BICC1: variants seen among roughly 807,000 people sequenced by gnomAD.
The protein encoded by BICC1 is protein bicaudal C homolog 1.
In BICC1, 43 loss-of-function variants were observed where a neutral mutation model predicts 111.0. That is an observed-to-expected ratio of 0.39 (90% CI 0.30 to 0.50). The LOEUF (loss-of-function observed/expected upper bound fraction) is 0.50. Ranked by LOEUF, BICC1 falls within the 20% of genes least tolerant of loss-of-function variation. The probability of loss-of-function intolerance (pLI) is 0.88; values close to 1 mark genes in which losing one functional copy is unlikely to be tolerated. For synonymous variants in BICC1, 467 were observed against 434.4 expected (o/e 1.07, Z -0.93); for missense variants, 1,091 against 1,203.2 (o/e 0.91, Z 1.38).
intron 3 of BICC1, among the ~76,000 whole-genome samples, chr10:58,745,558 G>A (rs1270083310): frequency 6.7e-6 from 1 of 149,656 alleles, no homozygotes; most frequent in Non-Finnish European, 1.5e-5. Flanking sequence ...TCTGGAGACT[G>A]AGAATTTGTT....
At chr10:58,636,012 CTT>C (rs1458065114) in intron 2 of BICC1, among the ~76,000 whole-genome samples, 1 of 152,108 alleles carries the variant, frequency 6.6e-6, no homozygotes, top group Non-Finnish European at 1.5e-5. Flanking sequence ...GTTTTGTTCT[CTT>C]GTTATGAGTT....
intron 1 of BICC1, among the ~76,000 whole-genome samples, chr10:58,573,729 C>CT (rs1311217956): frequency 6.6e-6 from 1 of 152,140 alleles, no homozygotes; most frequent in African/African-American, 2.4e-5. Context: ...TTAGGGTACT[C>CT]TAACAGATCT....
At chr10:58,720,492 C>A (rs983554707) in intron 3 of BICC1, among the ~76,000 whole-genome samples, 1 of 152,132 alleles carries the variant, frequency 6.6e-6, no homozygotes, top group Non-Finnish European at 1.5e-5. Flanking sequence ...GAGAAGAGTG[C>A]AAGTCACAGC....
At position 58,796,288 on chromosome 10, in the gene BICC1, A is replaced by C. The variant is rs1240974140; in HGVS notation, c.1180-52A>C. The stretch of plus-strand genomic sequence containing the variant: ...TCCACCTCCCTCCCCTCCCCCATTC[A>C]TTGTAGACTACTTGCATGTCACCTT... On this transcript the variant is annotated intron_variant, in intron 9 of 20. Transcript: ENST00000373886. 6 of 1,507,052 alleles carry C rather than the reference A, an allele frequency of 4.0e-6. No individual in the cohort carries two copies. The South Asian group carries it at 6.0e-5, about 15-fold the overall frequency. 93.4% of individuals were successfully genotyped at this position (1,507,052 alleles called of 1,614,324 possible).
intron 1 of BICC1, among the ~76,000 whole-genome samples, chr10:58,580,708 A>G (rs975738736): frequency 7.2e-5 from 11 of 152,116 alleles, no homozygotes; most frequent in African/African-American, 2.7e-4. Context: ...ATATTATGCT[A>G]TGGAGTTTTT....
At chr10:58,651,048 TAC>T (rs1838431398) in intron 2 of BICC1, among the ~76,000 whole-genome samples, 1 of 152,124 alleles carries the variant, frequency 6.6e-6, no homozygotes, top group Non-Finnish European at 1.5e-5. Context: ...GCTTACAAAT[TAC>T]TTTTGTAGAC....
At chr10:58,717,038 A>C (rs3999621) in intron 3 of BICC1, among the ~76,000 whole-genome samples, 151,292 of 151,692 alleles carry the variant, frequency 1, 75,460 homozygotes, top group Middle Eastern at 1. Flanking sequence ...AATAATGAAT[A>C]TTTTTTAGCA....
chr10:58,547,606 A>G (rs1843174938), intron 1 of BICC1, among the ~76,000 whole-genome samples: 1 of 152,202 alleles, frequency 6.6e-6, no homozygotes, highest in African/African-American at 2.4e-5. Context: ...GAGAGTATCT[A>G]CATCAACTAT....
intron 2 of BICC1, among the ~76,000 whole-genome samples, chr10:58,656,491 C>CT (rs1428327016): frequency 6.7e-6 from 1 of 149,668 alleles, no homozygotes; most frequent in Non-Finnish European, 1.5e-5. Context: ...CATCAAAAAG[C>CT]TTATCCACCA....
At position 58,796,495 on chromosome 10, in the gene BICC1, A is replaced by G. The variant is rs777162909; in HGVS notation, c.1335A>G (p.Leu445=). ...AGLACPSLDI[L]ASAGLGLTGL... is the part of the protein sequence containing the mutation. ...TGGCATGTCCCAGCCTGGATATCTT[A>G]GCTTCAGCAGGCCTTGGACTCACTG... The change falls in exon 10 of 21, where the codon TTA becomes TTG. Residue 445 remains leucine, a synonymous_variant. Transcript: ENST00000373886. 6.2e-7 allele frequency: 1 copy of G among 1,614,010 alleles called. No homozygotes were observed. Among genetic ancestry groups the G allele is most frequent in the South Asian group, 1.1e-5 (1 of 91,080 alleles).
chr10:58,565,058 T>A (rs959226790), intron 1 of BICC1, among the ~76,000 whole-genome samples: 2 of 143,714 alleles, frequency 1.4e-5, no homozygotes, highest in African/African-American at 5.2e-5. Context: ...CTTCCAACAC[T>A]TCACACTCAC....
chr10:58,789,646 G>A lies in BICC1; in HGVS notation c.796-36G>A, dbSNP rs764145527. On this transcript the variant is annotated intron_variant, in intron 7 of 20. Coordinates refer to ENST00000373886, the MANE Select transcript of BICC1 (RefSeq NM_001080512.3). ...CTTTCCCCGTATATGAACAGTTAAT[G>A]TATAGGATTATTTCTTTCCCACCCT... 1.2e-5 allele frequency: 20 copies of A among 1,610,670 alleles called. 1 individual carries two copies. The South Asian group carries it at 2.2e-4, about 18-fold the overall frequency.
Position 58,605,341 on chromosome 10 carries a change from A to T in BICC1, c.191-15514A>T, listed in dbSNP as rs566499009. ...TTATTCCTTGAGCTGTTTCTTGCTGATTCTTCATTTTCGAAATCTGTTTAT... is the reference window on the plus strand; with the variant it reads ...TTATTCCTTGAGCTGTTTCTTGCTGTTTCTTCATTTTCGAAATCTGTTTAT... On this transcript the variant is annotated intron_variant, in intron 1 of 20. Transcript: ENST00000373886. Among the ~76,000 whole-genome samples the T allele has an allele frequency of 1.2e-4, 18 of 152,258 alleles. 1 individual carries two copies. Among genetic ancestry groups the T allele is most frequent in the Admixed American group, 8.5e-4 (13 of 15,290 alleles).
chr10:58,634,941 C>T (rs1837910819), intron 2 of BICC1, among the ~76,000 whole-genome samples: 1 of 151,972 alleles, frequency 6.6e-6, no homozygotes, highest in Non-Finnish European at 1.5e-5. Flanking sequence ...GGTCTTTATC[C>T]TCATCATATT....
intron 3 of BICC1, chr10:58,715,488 G>C: frequency 1.1e-6 from 1 of 902,602 alleles, no homozygotes; most frequent in Non-Finnish European, 1.8e-6. Context: ...CCTGTGGCAG[G>C]CCCTCTTCGG....
chr10:58,726,656 G>T (rs1299751519), intron 3 of BICC1, among the ~76,000 whole-genome samples: 4 of 152,172 alleles, frequency 2.6e-5, no homozygotes, highest in African/African-American at 9.7e-5. Flanking sequence ...CAGCTGTTAG[G>T]CCTCCATCCA....
rs1166919992 is a variant in BICC1, at chr10:58,621,014, C to G, written c.237+113C>G. ...CCTTCATGTGGAGGAGAACAGGTTT[C>G]TATACGGGAGCTGGAAACACTCAGA... is the stretch of plus-strand genomic sequence containing the variant. On this transcript the variant is annotated intron_variant, in intron 2 of 20. Transcript: ENST00000373886. 8.6e-6 allele frequency: 7 copies of G among 816,146 alleles called. No homozygotes were observed. In the African/African-American group the frequency reaches 1.2e-4, roughly 14 times the overall value. The allele number at this position is 816,146 out of a possible 1,614,324, so 50.6% of individuals were successfully genotyped here. A position where few individuals can be genotyped will look rare whatever the true frequency, so the allele number is the denominator to read the frequency against.
chr10:58,651,617 T>C (rs1838451285), intron 2 of BICC1, among the ~76,000 whole-genome samples: 2 of 152,342 alleles, frequency 1.3e-5, no homozygotes, highest in Admixed American at 6.5e-5. Context: ...TGAGATTCTC[T>C]CAGTTCTTTA....
At chr10:58,518,966 A>G (rs1842319633) in intron 1 of BICC1, among the ~76,000 whole-genome samples, 1 of 152,190 alleles carries the variant, frequency 6.6e-6, no homozygotes, top group African/African-American at 2.4e-5. Context: ...GGTTTGTTAT[A>G]CCAATGACTT....
Sources: allele counts gnomAD v4.1 joint callset (sites outside exome capture counted in the v4.1 genomes callset), GRCh38; gene constraint gnomAD v4.1.1; transcripts MANE v1.5; gene names NCBI Gene and HGNC (gene_info 2026-07-23, HGNC 2026-07-21).